DOCK7: variants seen among roughly 807,000 people sequenced by gnomAD.
DOCK7 encodes dedicator of cytokinesis 7, also known as dedicator of cytokinesis protein 7.
Under a neutral mutation model 271.0 loss-of-function variants are expected in DOCK7, and 138 were observed. That is an observed-to-expected ratio of 0.51 (90% CI 0.44 to 0.59). The LOEUF is 0.59. DOCK7 is among the 20% of genes least tolerant of loss of function. The probability of loss-of-function intolerance (pLI) is 0.00; values close to 1 mark genes in which losing one functional copy is unlikely to be tolerated. For missense variants in DOCK7, 2,066 were observed against 2,592.4 expected, an observed-to-expected ratio of 0.80 and a Z score of 4.41; for synonymous variants, 823 against 876.1, an observed-to-expected ratio of 0.94 and a Z score of 1.07.
At chr1:62,485,345 C>T in intron 43 of DOCK7, 2 of 968,896 alleles carry the variant, frequency 2.1e-6, no homozygotes, top group Non-Finnish European at 2.5e-6. Flanking sequence ...TTATCTTTCA[C>T]ACACACACAC....
intron 48 of DOCK7, among the ~76,000 whole-genome samples, chr1:62,470,175 C>T (rs1194780258): frequency 6.6e-6 from 1 of 152,106 alleles, no homozygotes; most frequent in Non-Finnish European, 1.5e-5. Flanking sequence ...GCCCAAATGC[C>T]CATTAATCAA....
intron 2 of DOCK7, among the ~76,000 whole-genome samples, chr1:62,660,256 G>A (rs957505669): frequency 1.3e-5 from 2 of 152,028 alleles, no homozygotes; most frequent in African/African-American, 4.8e-5. Flanking sequence ...ACTAGAAAGT[G>A]GCAACAGAAA....
Position 62,496,385 on chromosome 1 carries a change from T to C in DOCK7, c.4877A>G (p.Tyr1626Cys), listed in dbSNP as rs770215243. ...LRRSLKTILT[Y>C]AEEDLELRET... The stretch of plus-strand genomic sequence containing the variant: ...CCTCAATTCCAGATCTTCTTCAGCA[T>C]ATGTCAATATAGTCTTTAGAGAACG... The change falls in exon 38 of 50, where the codon TAT becomes TGT. Residue 1626 changes from tyrosine to cysteine, a missense_variant. Transcript: ENST00000635253. 6.2e-7 allele frequency: 1 copy of C among 1,613,606 alleles called. No homozygotes were observed. The highest frequency in any genetic ancestry group is 8.5e-7 in the Non-Finnish European group (1 of 1,179,696).
intron 48 of DOCK7, among the ~76,000 whole-genome samples, chr1:62,466,822 G>A (rs530776166): frequency 1.3e-5 from 2 of 152,110 alleles, no homozygotes; most frequent in Admixed American, 1.3e-4. Flanking sequence ...TCAGGAGGCT[G>A]AGGCACGAGA....
chr1:62,504,144 C>T (rs1473317973), intron 37 of DOCK7, among the ~76,000 whole-genome samples: 1 of 151,338 alleles, frequency 6.6e-6, no homozygotes, highest in African/African-American at 2.4e-5. Context: ...CAAGGAGACG[C>T]CAAAAATAGC....
chr1:62,683,575 A>G (rs1661399272), intron 1 of DOCK7, among the ~76,000 whole-genome samples: 1 of 152,228 alleles, frequency 6.6e-6, no homozygotes. Flanking sequence ...CTTTAGGGAT[A>G]GTAGCAGTGA....
chr1:62,668,748 G>A (rs918395219), intron 1 of DOCK7, among the ~76,000 whole-genome samples: 1 of 151,756 alleles, frequency 6.6e-6, no homozygotes, highest in Non-Finnish European at 1.5e-5. Flanking sequence ...CAAAAAATTA[G>A]CCAGGAGTCA....
chr1:62,601,833 C>T, intron 14 of DOCK7: 1 of 1,610,334 alleles, frequency 6.2e-7, no homozygotes, highest in Non-Finnish European at 8.5e-7. Flanking sequence ...TGTATGCCAT[C>T]AGACCCAGCA....
At chr1:62,507,816 A>G (rs1267920981) in intron 35 of DOCK7, 146 bp downstream of exon 35, 5 of 663,874 alleles carry the variant, frequency 7.5e-6, no homozygotes. Context: ...TTATAATTAC[A>G]GAGAATCTCA....
At chr1:62,642,359 C>T (rs1656140856) in intron 7 of DOCK7, among the ~76,000 whole-genome samples, 1 of 152,168 alleles carries the variant, frequency 6.6e-6, no homozygotes, top group Admixed American at 6.5e-5. Context: ...CCGCCTCGGC[C>T]TCCCAAAGTG....
chr1:62,476,402 C>A (rs1306805740), intron 44 of DOCK7, among the ~76,000 whole-genome samples: 4 of 151,980 alleles, frequency 2.6e-5, no homozygotes, highest in Non-Finnish European at 2.9e-5. Flanking sequence ...TATCAGAAAA[C>A]AACAATTTTC....
chr1:62,555,725 T>C, intron 21 of DOCK7, 100 bp downstream of exon 21: 10 of 1,347,516 alleles, frequency 7.4e-6, no homozygotes, highest in Non-Finnish European at 8.0e-6. Flanking sequence ...ATGTTTGCCT[T>C]TGAATAAATG....
chr1:62,686,630 T>C (rs1242733071), intron 1 of DOCK7, among the ~76,000 whole-genome samples: 2 of 152,194 alleles, frequency 1.3e-5, no homozygotes, highest in Non-Finnish European at 2.9e-5. Flanking sequence ...GGCCCTGTAC[T>C]ATCCTACGCA....
intron 41 of DOCK7, 48 bp downstream of exon 41, chr1:62,492,656 A>C: frequency 5.0e-6 from 8 of 1,605,160 alleles, no homozygotes; most frequent in Non-Finnish European, 6.8e-6. Context: ...TGTCATTGAT[A>C]ATTAGAGGTA....
Position 62,653,732 on chromosome 1 carries a change from T to C in DOCK7, c.382A>G (p.Ile128Val). 6.4e-7 allele frequency: 1 copy of C among 1,570,180 alleles called. No individual in the cohort carries two copies. Among genetic ancestry groups the C allele is most frequent in the Non-Finnish European group, 8.8e-7 (1 of 1,141,412 alleles). The change falls in exon 4 of 50, where the codon ATC becomes GTC. Residue 128 changes from isoleucine to valine, a missense_variant. Physicochemically the swap from Ile to Val is conservative, Grantham distance 29. This residue lies in a region of DOCK7 where 1,414 missense variants were observed against 1,670.4 expected (regional missense o/e 0.85). Coordinates refer to ENST00000635253, the MANE Select transcript of DOCK7 (RefSeq NM_001367561.1). Reference protein sequence around the residue: ...RSYTEDWAIVIRKYHKLGTGF... With the variant: ...RSYTEDWAIVVRKYHKLGTGF... ...AATAAACATATAACTTACTTTCTGA[T>C]GACAATTGCCCAGTCTTCTGTATAA... is the stretch of plus-strand genomic sequence containing the variant.
chr1:62,525,004 CTCTA>C (rs1230259941), intron 31 of DOCK7, among the ~76,000 whole-genome samples: 40 of 144,424 alleles, frequency 2.8e-4, no homozygotes, highest in East Asian at 2.4e-3. Flanking sequence ...CGGTAAAACT[CTCTA>C]TCTATACATT....
At chr1:62,558,907 AATC>A in intron 20 of DOCK7, 79 bp downstream of exon 20, 1 of 1,155,432 alleles carries the variant, frequency 8.7e-7, no homozygotes, top group Non-Finnish European at 1.2e-6. Context: ...AGCAAATAGA[AATC>A]ATGTTTTTTT....
At position 62,528,181 on chromosome 1, in the gene DOCK7, T is replaced by C. The variant is rs1031863008; in HGVS notation, c.3906A>G (p.Thr1302=). 1.1e-5 allele frequency: 17 copies of C among 1,613,140 alleles called. No homozygotes were observed. The highest frequency in any genetic ancestry group is 1.3e-5 in the African/African-American group (1 of 75,004). The stretch of plus-strand genomic sequence containing the variant: ...ACGTGAGGAGGAAACTGCCAGGCCT[T>C]GTTAGTTGAGGGACCGATGTCCCTG... ...AIAGTSVPQL[T]RPGSFLLTST... is the part of the protein sequence containing the mutation. Residue 1302 remains threonine (T), a synonymous_variant, in exon 31 of 50, where the codon ACA becomes ACG. Transcript: ENST00000635253.
Position 62,552,907 on chromosome 1 carries a change from G to A in DOCK7, c.2597-6C>T. On this transcript the variant is annotated splice_polypyrimidine_tract_variant and splice_region_variant and intron_variant, in intron 21 of 49. Transcript: ENST00000635253. ...TCCTCCCAAACCCCCAGGACCTAGA[G>A]TTGTATATGAAATAGCACATAATTA... The A allele has an allele frequency of 1.9e-6, 3 of 1,577,784 alleles. No individual in the cohort carries two copies. Among genetic ancestry groups the A allele is most frequent in the South Asian group, 1.2e-5 (1 of 83,984 alleles).
Sources: gnomAD v4.1 joint callset for allele counts (sites outside exome capture counted in the v4.1 genomes callset) on GRCh38, gnomAD v4.1.1 for gene constraint, gnomAD v4.1.1 regional missense constraint, MANE v1.5 for transcripts, NCBI Gene and HGNC (gene_info 2026-07-23, HGNC 2026-07-21) for gene names.